Variants in MALT1 observed in about 807,000 individuals in gnomAD.
MALT1 encodes the protein MALT1 paracaspase, also known as mucosa-associated lymphoid tissue lymphoma translocation protein 1.
In MALT1, 36 loss-of-function variants were observed where a neutral mutation model predicts 85.5. The ratio of observed to expected loss-of-function variants is 0.42; its 90% CI spans 0.32 to 0.56. The LOEUF (loss-of-function observed/expected upper bound fraction) is 0.56. Among genes scored for constraint, MALT1 ranks in the 20% least tolerant of loss-of-function variants. The pLI is 0.10. For missense variants in MALT1, 716 were observed against 981.6 expected, an observed-to-expected ratio of 0.73 and a Z score of 3.62; for synonymous variants, 359 against 361.3, an observed-to-expected ratio of 0.99 and a Z score of 0.07.
intron 2 of MALT1, chr18:58,691,109 C>T: frequency 4.4e-6 from 1 of 225,164 alleles, no homozygotes; most frequent in Non-Finnish European, 9.0e-6. Flanking sequence ...TCCTCTGCCC[C>T]CGCCATCTCC....
At chr18:58,709,347 C>A in intron 4 of MALT1, 31 bp from the exon 5 acceptor site, 3 of 1,427,066 alleles carry the variant, frequency 2.1e-6, no homozygotes, top group South Asian at 2.8e-5. Context: ...TATTTTTAAC[C>A]TAGAGATTTT....
At chr18:58,676,011 T>C (rs2054234450) in intron 1 of MALT1, among the ~76,000 whole-genome samples, 2 of 152,214 alleles carry the variant, frequency 1.3e-5, no homozygotes, top group South Asian at 4.1e-4. Context: ...AAATCGTTTT[T>C]GTCAGCCCAT....
At chr18:58,686,607 A>G (rs1005351647) in intron 2 of MALT1, among the ~76,000 whole-genome samples, 2 of 152,206 alleles carry the variant, frequency 1.3e-5, no homozygotes, top group South Asian at 2.1e-4. Flanking sequence ...GAGGGTACCT[A>G]TGAGATGTCT....
chr18:58,705,787 G>A (rs1045933673), intron 4 of MALT1, among the ~76,000 whole-genome samples: 5 of 152,046 alleles, frequency 3.3e-5, no homozygotes, highest in African/African-American at 4.8e-5. Flanking sequence ...GTAAACATAC[G>A]TGTGCATGTG....
In MALT1 at chr18:58,747,861, T is replaced by A; in HGVS notation, c.*19T>A. 3 of 1,597,146 alleles carry A rather than the reference T, an allele frequency of 1.9e-6. No individual in the cohort carries two copies. Among genetic ancestry groups the A allele is most frequent in the Non-Finnish European group, 1.7e-6 (2 of 1,168,600 alleles). On this transcript the variant is annotated 3_prime_UTR_variant, in exon 17 of 17. Transcript: ENST00000649217. ...AAAATGACCTCCTTGTTTTTGAAAGTTAGCATAATTTTAGATGCCTGTGAA... is the reference window on the plus strand; with the variant it reads ...AAAATGACCTCCTTGTTTTTGAAAGATAGCATAATTTTAGATGCCTGTGAA...
chr18:58,713,457 C>T (rs2054859460), intron 7 of MALT1, among the ~76,000 whole-genome samples: 1 of 152,016 alleles, frequency 6.6e-6, no homozygotes, highest in South Asian at 2.1e-4. Context: ...GACAGTTACT[C>T]CTCAAAACCG....
At chr18:58,707,417 A>G (rs2054768026) in intron 4 of MALT1, among the ~76,000 whole-genome samples, 1 of 151,622 alleles carries the variant, frequency 6.6e-6, no homozygotes, top group South Asian at 2.1e-4. Context: ...AGGCTATTTC[A>G]ACATTAGAAA....
At chr18:58,694,177 A>C (rs982581851) in intron 2 of MALT1, among the ~76,000 whole-genome samples, 3 of 152,224 alleles carry the variant, frequency 2.0e-5, no homozygotes, top group African/African-American at 7.2e-5. Context: ...CCTTGGCAAG[A>C]GTTTAAAATT....
At chr18:58,679,932 C>T (rs1476355086) in intron 1 of MALT1, among the ~76,000 whole-genome samples, 1 of 152,038 alleles carries the variant, frequency 6.6e-6, no homozygotes, top group African/African-American at 2.4e-5. Context: ...AGTGGTGGCT[C>T]CAGCTCTTTG....
At chr18:58,720,125 TG>T (rs1334448674) in intron 9 of MALT1, among the ~76,000 whole-genome samples, 2 of 152,234 alleles carry the variant, frequency 1.3e-5, no homozygotes, top group Non-Finnish European at 2.9e-5. Context: ...CTGGCATTTT[TG>T]TTTCACTTTT....
chr18:58,735,329 G>T lies in MALT1; in HGVS notation c.1603G>T (p.Asp535Tyr). Residue 535 changes from aspartate to tyrosine, a missense_variant and splice_region_variant, in exon 13 of 17, where the codon GAT (aspartate) becomes TAT (tyrosine). Asp to Tyr is a radical substitution (Grantham distance 160). Around this residue, in one of 4 missense-constraint regions of MALT1, gnomAD observed 86 missense variants for 212.3 expected, o/e 0.41. Coordinates refer to ENST00000649217, the MANE Select transcript of MALT1 (RefSeq NM_006785.4). ...ITVLLDEVAE[D>Y]MGKCHLTKGK... The stretch of plus-strand genomic sequence containing the variant: ...TGTGTTACTGGATGAAGTTGCAGAA[G>T]GTAAAATAAAAAATAAAGAGAAAAG... The T allele has an allele frequency of 6.3e-7, 1 of 1,587,330 alleles. No homozygotes were observed. The highest frequency in any genetic ancestry group is 8.5e-7 in the Non-Finnish European group (1 of 1,173,428).
chr18:58,719,257 A>G (rs556271017), intron 9 of MALT1, among the ~76,000 whole-genome samples: 1 of 152,238 alleles, frequency 6.6e-6, no homozygotes, highest in South Asian at 2.1e-4. Flanking sequence ...CTTTGCTTAC[A>G]TACCTGGCAC....
rs1350130511 is a variant in MALT1, at chr18:58,750,734, A to G, written c.*2892A>G. 1 of 152,206 alleles carries G rather than the reference A, an allele frequency of 6.6e-6. No individual in the cohort carries two copies. Among genetic ancestry groups the G allele is most frequent in the African/African-American group, 2.4e-5 (1 of 41,464 alleles). The allele number at this position is 152,206 out of a possible 1,614,324, so 9.4% of individuals were successfully genotyped here. ...CTACCACATTACAAATTCTAACTCA[A>G]AATGGATCATAGACCTCAATATAAG... On this transcript the variant is annotated 3_prime_UTR_variant, in exon 17 of 17. Transcript: ENST00000649217.
rs370214651 is a variant in MALT1, at chr18:58,700,905, G to A, written c.649+314G>A. Reference sequence around the variant, plus strand: ...CTCCCAGGTTCAAGTGATTCCTCTTGCCTTATCCTCCTGAGTAGCTGGGAT... The same window carrying A: ...CTCCCAGGTTCAAGTGATTCCTCTTACCTTATCCTCCTGAGTAGCTGGGAT... On this transcript the variant is annotated intron_variant, in intron 4 of 16. Coordinates refer to ENST00000649217, the MANE Select transcript of MALT1 (RefSeq NM_006785.4). Among the ~76,000 whole-genome samples, 16 of 152,014 alleles carry A rather than the reference G, an allele frequency of 1.1e-4. No homozygotes were observed. The South Asian group carries it at 2.9e-3, about 28-fold the overall frequency.
chr18:58,690,528 C>G (rs8087471), intron 2 of MALT1: 28,221 of 170,094 alleles, frequency 0.17, 2,784 homozygotes, highest in African/African-American at 0.27. Flanking sequence ...GAGCCCATCC[C>G]CTCTGTGAGA....
At chr18:58,720,522 A>G (rs1425636977) in intron 9 of MALT1, among the ~76,000 whole-genome samples, 1 of 152,182 alleles carries the variant, frequency 6.6e-6, no homozygotes, top group Non-Finnish European at 1.5e-5. Context: ...TTGGAGGAAA[A>G]TTTTAGAAGT....
chr18:58,703,046 T>G (rs1209820929), intron 4 of MALT1, among the ~76,000 whole-genome samples: 2 of 152,284 alleles, frequency 1.3e-5, no homozygotes, highest in East Asian at 3.9e-4. Context: ...TAAACTCAAA[T>G]GACGTTAAGG....
rs528268846 is a variant in MALT1, at chr18:58,723,355, G to A, written c.1222+104G>A. ...CAGATAAAGATAAGGTAAACATGTT[G>A]TTGAATGGAAGAGTTTTATTTTTCT... is the stretch of plus-strand genomic sequence containing the variant. On this transcript the variant is annotated intron_variant, in intron 10 of 16. Coordinates refer to ENST00000649217, the MANE Select transcript of MALT1 (RefSeq NM_006785.4). 1.1e-4 allele frequency: 85 copies of A among 753,228 alleles called. No homozygotes were observed. The African/African-American group carries it at 1.5e-3, about 13-fold the overall frequency. 46.7% of individuals were successfully genotyped at this position (753,228 alleles called of 1,614,324 possible). A position where few individuals can be genotyped will look rare whatever the true frequency, so the allele number is the denominator to read the frequency against.
chr18:58,708,753 T>C (rs1028182223), intron 4 of MALT1, among the ~76,000 whole-genome samples: 2 of 152,216 alleles, frequency 1.3e-5, no homozygotes, highest in African/African-American at 4.8e-5. Flanking sequence ...ATTCATTCAA[T>C]GAATATTACT....
Sources: allele counts gnomAD v4.1 joint callset (sites outside exome capture counted in the v4.1 genomes callset), GRCh38; gene constraint gnomAD v4.1.1; regional missense constraint gnomAD v4.1.1; transcripts MANE v1.5; gene names NCBI Gene and HGNC (gene_info 2026-07-23, HGNC 2026-07-21).